Variants in GOT1 observed in about 807,000 individuals in gnomAD.
GOT1 encodes the protein aspartate aminotransferase, cytoplasmic.
GOT1 carries 25 observed loss-of-function variants against 48.2 expected under a neutral mutation model. The observed-to-expected ratio is 0.52, with a 90% CI of 0.38 to 0.72. GOT1 has a LOEUF of 0.72. GOT1 is among the 30% of genes least tolerant of loss of function. The pLI, the probability that GOT1 is intolerant of heterozygous loss-of-function variation, is 0.00. For synonymous variants in GOT1, 188 were observed against 193.8 expected (o/e 0.97, Z 0.25); for missense variants, 380 against 520.1 (o/e 0.73, Z 2.62).
chr10:99,411,073 T>G (rs2032822381), intron 2 of GOT1, among the ~76,000 whole-genome samples: 1 of 152,196 alleles, frequency 6.6e-6, no homozygotes, highest in Non-Finnish European at 1.5e-5. Flanking sequence ...GCCCCCAGCA[T>G]CTCTCACGGC....
Position 99,406,716 on chromosome 10 carries a change from A to C in GOT1, c.424+10T>G. On this transcript the variant is annotated intron_variant, in intron 3 of 8. Transcript: ENST00000370508. ...TCTGTTTTTCCTCTCACTTCAGCTG[A>C]AAGACTCACCCCAGGTTGGTGAGGA... 2 of 1,611,624 alleles carry C rather than the reference A, an allele frequency of 1.2e-6. No individual in the cohort carries two copies. Among genetic ancestry groups the C allele is most frequent in the Non-Finnish European group, 1.7e-6 (2 of 1,177,878 alleles).
intron 8 of GOT1, among the ~76,000 whole-genome samples, chr10:99,400,314 G>A (rs2032655324): frequency 1.3e-5 from 2 of 152,174 alleles, no homozygotes; most frequent in African/African-American, 4.8e-5. Context: ...GGATATATAG[G>A]GGTTCACTGT....
At chr10:99,408,053 C>T (rs534322879) in intron 2 of GOT1, among the ~76,000 whole-genome samples, 14 of 152,122 alleles carry the variant, frequency 9.2e-5, no homozygotes, top group African/African-American at 3.1e-4. Context: ...TAAGTGAGAA[C>T]ATGAGGTGTT....
intron 1 of GOT1, among the ~76,000 whole-genome samples, chr10:99,422,839 T>C (rs553117094): frequency 6.6e-6 from 1 of 152,366 alleles, no homozygotes; most frequent in African/African-American, 2.4e-5. Flanking sequence ...GTCCTTGTTC[T>C]TTTTTACAGC....
In GOT1 at chr10:99,402,683, G is replaced by A. The variant is rs765722707; in HGVS notation, c.999C>T (p.Thr333=). The change falls in exon 8 of 9, where the codon ACC becomes ACT. Residue 333 remains threonine (T), a synonymous_variant. Coordinates refer to ENST00000370508, the MANE Select transcript of GOT1 (RefSeq NM_002079.3). ...NVKTMADRIL[T]MRSELRARLE... ...GTCGTGCCCTGAGTTCAGATCTCAT[G>A]GTCAGAATCCGGTCAGCCATTGTCT... 5.0e-5 allele frequency: 81 copies of A among 1,613,632 alleles called. No homozygotes were observed. Among genetic ancestry groups the A allele is most frequent in the Non-Finnish European group, 6.6e-5 (78 of 1,179,638 alleles).
chr10:99,415,532 A>T (rs896071679), intron 2 of GOT1, among the ~76,000 whole-genome samples: 1 of 152,222 alleles, frequency 6.6e-6, no homozygotes, highest in Non-Finnish European at 1.5e-5. Context: ...AGCTGGTACC[A>T]TTCCTTCTGA....
At chr10:99,415,711 A>G (rs1179931023) in intron 2 of GOT1, among the ~76,000 whole-genome samples, 3 of 152,122 alleles carry the variant, frequency 2.0e-5, no homozygotes, top group African/African-American at 7.2e-5. Context: ...CTGGCAAACC[A>G]AATCCAGCAG....
intron 1 of GOT1, among the ~76,000 whole-genome samples, chr10:99,427,740 C>T (rs550664303): frequency 1.3e-5 from 2 of 152,132 alleles, no homozygotes; most frequent in Admixed American, 6.5e-5. Flanking sequence ...TACTGGCTAC[C>T]ACCTGGAGGT....
At chr10:99,412,055 G>A (rs1407816000) in intron 2 of GOT1, among the ~76,000 whole-genome samples, 1 of 152,162 alleles carries the variant, frequency 6.6e-6, no homozygotes, top group Non-Finnish European at 1.5e-5. Context: ...AGTGACCCTT[G>A]ATCAGCTCTT....
At chr10:99,403,901 C>T in intron 5 of GOT1, 27 bp from the exon 6 acceptor site, 1 of 1,612,054 alleles carries the variant, frequency 6.2e-7, no homozygotes, top group South Asian at 1.1e-5. Flanking sequence ...TGAGTCAGGG[C>T]AGGAAATCCT....
At chr10:99,424,244 A>T (rs1187932223) in intron 1 of GOT1, among the ~76,000 whole-genome samples, 1 of 152,214 alleles carries the variant, frequency 6.6e-6, no homozygotes, top group Non-Finnish European at 1.5e-5. Flanking sequence ...GTCCTTTGAA[A>T]GTCAATTATT....
Position 99,405,755 on chromosome 10 carries a change from C to G in GOT1, c.642+1G>C. 6.8e-7 allele frequency: 1 copy of G among 1,477,502 alleles called. No individual in the cohort carries two copies. Among genetic ancestry groups the G allele is most frequent in the Non-Finnish European group, 9.5e-7 (1 of 1,055,400 alleles). The allele number at this position is 1,477,502 out of a possible 1,614,324, so 91.5% of individuals were successfully genotyped here. A position where few individuals can be genotyped will look rare whatever the true frequency, so the allele number is the denominator to read the frequency against. ...AAGAGATGCTCTGAAGGGGCAGTTA[C>G]CTTCATGACAGAAGCAATCTGCTTC... On this transcript the variant is annotated splice_donor_variant, in intron 5 of 8. Coordinates refer to ENST00000370508, the MANE Select transcript of GOT1 (RefSeq NM_002079.3). LOFTEE classifies it high-confidence loss of function.
chr10:99,413,432 C>A (rs1186064930), intron 2 of GOT1, among the ~76,000 whole-genome samples: 2 of 152,046 alleles, frequency 1.3e-5, no homozygotes, highest in African/African-American at 2.4e-5. Context: ...AAGAAATATG[C>A]GACTATGTGA....
chr10:99,413,416 G>A (rs1589939428), intron 2 of GOT1, among the ~76,000 whole-genome samples: 1 of 152,196 alleles, frequency 6.6e-6, no homozygotes, highest in Non-Finnish European at 1.5e-5. Flanking sequence ...AACGAACAAA[G>A]CCTCCAAGAA....
intron 2 of GOT1, among the ~76,000 whole-genome samples, chr10:99,411,770 G>A (rs2032830751): frequency 1.3e-5 from 2 of 152,136 alleles, no homozygotes; most frequent in Admixed American, 1.3e-4. Context: ...CTCTAGTAGT[G>A]GGCATCTGAT....
chr10:99,406,139 C>T lies in GOT1; in HGVS notation c.535G>A (p.Glu179Lys). The T allele has an allele frequency of 6.3e-7, 1 of 1,588,474 alleles. No individual in the cohort carries two copies. The part of the protein sequence containing the change: ...LDLQGFLNDL[E>K]NAPEFSIVVL... The stretch of plus-strand genomic sequence containing the variant: ...ACTTTTTCCTCTAAATCACCCACCT[C>T]CAGATCATTCAGGAAGCCCTGGAGG... The change falls in exon 4 of 9, where the codon GAG becomes AAG. Residue 179 changes from glutamate (E) to lysine (K), a missense_variant and splice_region_variant. Glu to Lys is a moderately conservative substitution (Grantham distance 56). Coordinates refer to ENST00000370508, the MANE Select transcript of GOT1 (RefSeq NM_002079.3).
Position 99,409,374 on chromosome 10 carries a change from G to A in GOT1, c.301-2525C>T, listed in dbSNP as rs112815892. On this transcript the variant is annotated intron_variant, in intron 2 of 8. Coordinates refer to ENST00000370508, the MANE Select transcript of GOT1 (RefSeq NM_002079.3). ...TCTCCAACTCCTGACCTCGTGATCC[G>A]CCTGCCTCGGCTTCCCAAAGTACTG... 3.9e-5 allele frequency among the ~76,000 whole-genome samples: 6 copies of A among 152,080 alleles called. No individual in the cohort carries two copies. In the East Asian group the frequency reaches 9.7e-4, roughly 25 times the overall value.
At chr10:99,398,129 G>GT (rs1450320776) in intron 8 of GOT1, among the ~76,000 whole-genome samples, 1 of 152,138 alleles carries the variant, frequency 6.6e-6, no homozygotes, top group Non-Finnish European at 1.5e-5. Flanking sequence ...AATACATTGG[G>GT]TAAGGCCCCA....
chr10:99,420,525 TC>T, intron 2 of GOT1, 98 bp downstream of exon 2: 6 of 884,838 alleles, frequency 6.8e-6, no homozygotes, highest in African/African-American at 1.7e-5. Context: ...CATTGGCAGT[TC>T]AATAGACATA....
Sources: allele counts gnomAD v4.1 joint callset (sites outside exome capture counted in the v4.1 genomes callset), GRCh38; gene constraint gnomAD v4.1.1; transcripts MANE v1.5; gene names NCBI Gene and HGNC (gene_info 2026-07-23, HGNC 2026-07-21).